DMD: variants seen among roughly 807,000 people sequenced by gnomAD.
The protein encoded by DMD is dystrophin, also known as mutant dystrophin.
In DMD, 63 loss-of-function variants were observed where a neutral mutation model predicts 330.1. The ratio of observed to expected loss-of-function variants is 0.19; its 90% CI spans 0.16 to 0.24. The LOEUF (loss-of-function observed/expected upper bound fraction) is 0.24. Among genes scored for constraint, DMD ranks in the 10% least tolerant of loss-of-function variants. DMD has a pLI of 1.00. For synonymous variants in DMD, 1,223 were observed against 959.8 expected (o/e 1.27, Z -5.07); for missense variants, 3,344 against 2,684.1 (o/e 1.25, Z -5.43).
At chrX:33,201,492 C>G (rs2051268361) in intron 1 of DMD, among the ~76,000 whole-genome samples, 1 of 110,586 alleles carries the variant, frequency 9.0e-6, no homozygotes, top group Non-Finnish European at 1.9e-5. Flanking sequence ...GTACAGAGTG[C>G]ACATTGCTTA....
chrX:32,440,407 T>G (rs773450226), intron 28 of DMD, among the ~76,000 whole-genome samples: 1 of 111,642 alleles, frequency 9.0e-6, no homozygotes, highest in Admixed American at 9.5e-5. Context: ...GATTACAAAT[T>G]CTATTCTGTC....
intron 44 of DMD, among the ~76,000 whole-genome samples, chrX:32,038,994 G>T (rs901912015): frequency 1.8e-5 from 2 of 111,243 alleles, no homozygotes; most frequent in African/African-American, 6.5e-5. Context: ...AATGGGCATA[G>T]ATATGTCTGT....
chrX:31,823,627 C>T (rs745816092), intron 49 of DMD, among the ~76,000 whole-genome samples: 49 of 110,593 alleles, frequency 4.4e-4, no homozygotes, highest in Admixed American at 1.8e-3. Context: ...GTCACCCAGG[C>T]GGGAGAGCAG....
intron 2 of DMD, among the ~76,000 whole-genome samples, chrX:32,915,353 G>T (rs2087697655): frequency 8.9e-6 from 1 of 111,815 alleles, no homozygotes; most frequent in Non-Finnish European, 1.9e-5. Context: ...TTAAAATGAG[G>T]TAAAATATAA....
At chrX:32,729,964 T>C (rs190914961) in intron 7 of DMD, among the ~76,000 whole-genome samples, 84 of 110,856 alleles carry the variant, frequency 7.6e-4, no homozygotes, top group African/African-American at 2.6e-3. Flanking sequence ...TACTTAAGAG[T>C]TGGTTAAATA....
chrX:32,204,331 A>G (rs1475678376), intron 44 of DMD, among the ~76,000 whole-genome samples: 1 of 112,501 alleles, frequency 8.9e-6, no homozygotes, highest in African/African-American at 3.2e-5. Context: ...GAGTATTTCA[A>G]AATCACATGA....
chrX:32,662,191 T>C (rs1170755147), intron 9 of DMD, among the ~76,000 whole-genome samples: 1 of 111,839 alleles, frequency 8.9e-6, no homozygotes, highest in Non-Finnish European at 1.9e-5. Context: ...TTTGGAAGTT[T>C]TTATATATAG....
chrX:33,211,252 A>T, intron 1 of DMD, 30 bp downstream of exon 1: 1 of 1,202,615 alleles, frequency 8.3e-7, no homozygotes, highest in Non-Finnish European at 1.1e-6. Context: ...ATGCCACAGT[A>T]AAATATATTT....
intron 30 of DMD, among the ~76,000 whole-genome samples, chrX:32,399,792 T>C (rs757623859): frequency 1.2e-4 from 14 of 112,015 alleles, no homozygotes; most frequent in African/African-American, 2.9e-4. Context: ...CCGTGTTTTA[T>C]TGCGGCACTG....
chrX:31,790,835 T>C (rs895905471), intron 50 of DMD, among the ~76,000 whole-genome samples: 1 of 111,790 alleles, frequency 8.9e-6, no homozygotes, highest in African/African-American at 3.2e-5. Context: ...TTAAAAATGT[T>C]ACGTCTCTAT....
At chrX:32,431,622 C>A (rs1372271240) in intron 29 of DMD, among the ~76,000 whole-genome samples, 3 of 111,096 alleles carry the variant, frequency 2.7e-5, no homozygotes, top group Non-Finnish European at 5.7e-5. Context: ...TTTCTTTCAA[C>A]TAATATGTTT....
intron 21 of DMD, among the ~76,000 whole-genome samples, chrX:32,479,739 A>C (rs1454693516): frequency 3.6e-5 from 4 of 110,161 alleles, no homozygotes; most frequent in Non-Finnish European, 5.7e-5. Flanking sequence ...ATATATCAGT[A>C]TATATAAATC....
In DMD at chrX:32,380,734, G is replaced by A. The variant is rs370711023; in HGVS notation, c.4675-54C>T. Reference sequence around the variant, plus strand: ...TAGTTTACTCTTTAATTCAAATTTCGTTATAACCACTTATTTGGAACTTTT... The same window carrying A: ...TAGTTTACTCTTTAATTCAAATTTCATTATAACCACTTATTTGGAACTTTT... On this transcript the variant is annotated intron_variant, in intron 33 of 78. Coordinates refer to ENST00000357033, the MANE Select transcript of DMD (RefSeq NM_004006.3). The A allele has an allele frequency of 1.6e-4, 161 of 1,034,320 alleles. 1 individual carries two copies. The highest frequency in any genetic ancestry group is 6.0e-4 in the Admixed American group (27 of 44,629). 85.2% of individuals were successfully genotyped at this position (1,034,320 alleles called of 1,213,427 possible). A position where few individuals can be genotyped will look rare whatever the true frequency, so the allele number is the denominator to read the frequency against.
At chrX:32,364,980 G>A in intron 35 of DMD, 40 bp downstream of exon 35, 1 of 1,195,627 alleles carries the variant, frequency 8.4e-7, no homozygotes, top group Non-Finnish European at 1.1e-6. Context: ...TTTTTCTCGT[G>A]ACAGAGAAGG....
chrX:33,283,088 G>A (rs2053364164), intron 1 of DMD, among the ~76,000 whole-genome samples: 1 of 111,945 alleles, frequency 8.9e-6, no homozygotes, highest in Admixed American at 9.5e-5. Flanking sequence ...GTTTTAACAC[G>A]TGATTCAGAT....
intron 7 of DMD, among the ~76,000 whole-genome samples, chrX:32,716,596 C>A (rs745674110): frequency 9.0e-6 from 1 of 111,044 alleles, no homozygotes; most frequent in Non-Finnish European, 1.9e-5. Context: ...TACGAAGATA[C>A]ATGAGAACGT....
intron 44 of DMD, among the ~76,000 whole-genome samples, chrX:32,164,574 T>A (rs1006818736): frequency 8.9e-6 from 1 of 111,823 alleles, no homozygotes; most frequent in African/African-American, 3.3e-5. Context: ...TCACAGAGCA[T>A]AAAAGTTTGA....
chrX:33,055,870 A>G (rs2094510934), intron 1 of DMD, among the ~76,000 whole-genome samples: 1 of 111,165 alleles, frequency 9.0e-6, no homozygotes, highest in Admixed American at 9.7e-5. Context: ...AAGCAGTAAC[A>G]ATAGCTCTTT....
chrX:32,235,645 A>G (rs747833930), intron 43 of DMD, among the ~76,000 whole-genome samples: 38 of 111,865 alleles, frequency 3.4e-4, no homozygotes, highest in African/African-American at 1.2e-3. Flanking sequence ...AAGGGGGTGT[A>G]TCTTGTTTTA....
Sources: allele counts gnomAD v4.1 joint callset (sites outside exome capture counted in the v4.1 genomes callset), GRCh38; gene constraint gnomAD v4.1.1; transcripts MANE v1.5; gene names NCBI Gene and HGNC (gene_info 2026-07-23, HGNC 2026-07-21).